UNC79: variants seen among roughly 807,000 people sequenced by gnomAD.
UNC79 encodes the protein protein unc-79 homolog.
A neutral mutation model predicts 283.1 loss-of-function variants in UNC79; 37 were observed. The observed-to-expected ratio is 0.13, with a 90% CI of 0.10 to 0.17. The LOEUF is 0.17. Ranked by LOEUF, UNC79 falls within the 10% of genes least tolerant of loss-of-function variation. UNC79 has a pLI of 1.00. For synonymous variants in UNC79, 1,107 were observed against 1,200.2 expected, an observed-to-expected ratio of 0.92 and a Z score of 1.61; for missense variants, 2,272 against 3,211.1, an observed-to-expected ratio of 0.71 and a Z score of 7.07.
At chr14:93,648,998 T>C (rs1457792004) in intron 35 of UNC79, among the ~76,000 whole-genome samples, 1 of 152,138 alleles carries the variant, frequency 6.6e-6, no homozygotes, top group African/African-American at 2.4e-5. Context: ...AAAGGCTACT[T>C]TGACTGCAGT....
chr14:93,508,432 G>T (rs749231550), intron 7 of UNC79, among the ~76,000 whole-genome samples: 17 of 152,158 alleles, frequency 1.1e-4, no homozygotes, highest in Non-Finnish European at 2.4e-4. Flanking sequence ...ATCCTGCTGG[G>T]ATTTTAATCT....
At chr14:93,346,099 T>C (rs1251619173) in intron 1 of UNC79, among the ~76,000 whole-genome samples, 1 of 151,918 alleles carries the variant, frequency 6.6e-6, no homozygotes, top group Non-Finnish European at 1.5e-5. Context: ...TATATTTTGA[T>C]TTCCAAGGAC....
intron 29 of UNC79, 57 bp downstream of exon 30, chr14:93,618,411 A>C (rs757397312): frequency 9.6e-6 from 14 of 1,465,736 alleles, no homozygotes; most frequent in Non-Finnish European, 1.3e-5. Flanking sequence ...ATTTCTGGAC[A>C]ATGTTTTCTT....
At chr14:93,398,149 T>G (rs1050165641) in intron 1 of UNC79, among the ~76,000 whole-genome samples, 1 of 152,124 alleles carries the variant, frequency 6.6e-6, no homozygotes, top group African/African-American at 2.4e-5. Flanking sequence ...AGAAAAAAAG[T>G]CTGGCTGTTC....
At chr14:93,571,706 T>C (rs2063216677) in intron 14 of UNC79, among the ~76,000 whole-genome samples, 188 bp from the exon 15 acceptor site, 1 of 152,238 alleles carries the variant, frequency 6.6e-6, no homozygotes, top group Non-Finnish European at 1.5e-5. Context: ...TGTTTTCCTT[T>C]CTGTAACTGA....
At chr14:93,645,887 G>T (rs1489602454) in intron 34 of UNC79, among the ~76,000 whole-genome samples, 1 of 151,964 alleles carries the variant, frequency 6.6e-6, no homozygotes. Flanking sequence ...CTCTAAGTGG[G>T]GTCTTGGCTC....
chr14:93,487,265 T>C (rs1450953394), intron 4 of UNC79, among the ~76,000 whole-genome samples: 2 of 152,230 alleles, frequency 1.3e-5, no homozygotes, highest in Non-Finnish European at 2.9e-5. Flanking sequence ...AATTTGAGTT[T>C]AAAAACCTTT....
rs1368768427 is a variant in UNC79 at position 93,580,138 on chromosome 14, A to T, written c.2434-11A>T. 2.5e-6 allele frequency: 4 copies of T among 1,594,430 alleles called. No homozygotes were observed. The highest frequency in any genetic ancestry group is 1.8e-5 in the Admixed American group (1 of 56,782). Reference sequence around the variant, plus strand: ...TGTGTGTGCGTGTGTCCTTTTTTTGATGTCTTTCAGATGGAGTTACAAGAT... The same window carrying T: ...TGTGTGTGCGTGTGTCCTTTTTTTGTTGTCTTTCAGATGGAGTTACAAGAT... On this transcript the variant is annotated splice_polypyrimidine_tract_variant and intron_variant, in intron 18 of 48. Coordinates refer to ENST00000555664, the Ensembl canonical transcript of UNC79.
chr14:93,610,539 G>C (rs10146795), intron 26 of UNC79, among the ~76,000 whole-genome samples: 22,370 of 152,122 alleles, frequency 0.15, 1,766 homozygotes, highest in Middle Eastern at 0.17. Context: ...AGCAATAATG[G>C]CCTTCTAGTT....
chr14:93,364,853 G>GA (rs1359098637), intron 1 of UNC79, among the ~76,000 whole-genome samples: 2 of 151,862 alleles, frequency 1.3e-5, no homozygotes, highest in African/African-American at 4.8e-5. Flanking sequence ...AACTATAATA[G>GA]GTGCCACATG....
At chr14:93,677,462 A>AGCTCTC (rs1250844301) in intron 41 of UNC79, among the ~76,000 whole-genome samples, 5 of 152,102 alleles carry the variant, frequency 3.3e-5, no homozygotes, top group Non-Finnish European at 7.4e-5. Flanking sequence ...CATTTATAAA[A>AGCTCTC]CCATCAGATC....
chr14:93,648,258 G>A (rs1248531069), intron 35 of UNC79, among the ~76,000 whole-genome samples: 1 of 152,152 alleles, frequency 6.6e-6, no homozygotes, highest in African/African-American at 2.4e-5. Flanking sequence ...TAGTTCTCAT[G>A]TTAAGTGTTC....
chr14:93,343,404 A>G (rs535762323), intron 1 of UNC79, among the ~76,000 whole-genome samples: 3 of 152,204 alleles, frequency 2.0e-5, no homozygotes, highest in Admixed American at 6.5e-5. Context: ...CAGAACTTGA[A>G]TATGTTTCCC....
chr14:93,618,579 A>G (rs2066900542), intron 29 of UNC79, among the ~76,000 whole-genome samples: 1 of 152,222 alleles, frequency 6.6e-6, no homozygotes, highest in Admixed American at 6.5e-5. Flanking sequence ...CATAAGAAAT[A>G]ATATTTTGTA....
At position 93,589,650 on chromosome 14, in the gene UNC79, C is replaced by A. The variant is rs183452674; in HGVS notation, c.3032+2742C>A. On this transcript the variant is annotated intron_variant, in intron 22 of 48. Coordinates refer to ENST00000555664, the Ensembl canonical transcript of UNC79. ...GGGAGAGGACCCTGTGCATCAATGT[C>A]ATGGGTTTCAAAAGAAAGAGGCTGC... Among the ~76,000 whole-genome samples, 422 of 152,154 alleles carry A rather than the reference C, an allele frequency of 2.8e-3. 8 individuals carry two copies. Among genetic ancestry groups the A allele is most frequent in the Admixed American group, 0.021 (314 of 15,274 alleles).
intron 1 of UNC79, among the ~76,000 whole-genome samples, chr14:93,339,626 T>A (rs2053660337): frequency 6.6e-6 from 1 of 152,216 alleles, no homozygotes; most frequent in African/African-American, 2.4e-5. Flanking sequence ...AGATACTGTC[T>A]TTCTGTTACT....
At chr14:93,563,501 G>A (rs2062687132) in intron 14 of UNC79, among the ~76,000 whole-genome samples, 4 of 152,202 alleles carry the variant, frequency 2.6e-5, no homozygotes, top group Admixed American at 2.6e-4. Flanking sequence ...TTGATGCGTA[G>A]TCCCTTTGCA....
rs2066885308 is a variant in UNC79 at position 93,618,359 on chromosome 14, A to G, written c.4387+5A>G. 1 of 1,605,956 alleles carries G rather than the reference A, an allele frequency of 6.2e-7. No homozygotes were observed. Among genetic ancestry groups the G allele is most frequent in the East Asian group, 2.2e-5 (1 of 44,564 alleles). The stretch of plus-strand genomic sequence containing the variant: ...GATACAGCGAAAAAGAAAAAGGTAC[A>G]TATCTAAATTCTATCCCAAACCTAG... On this transcript the variant is annotated splice_donor_5th_base_variant and intron_variant, in intron 29 of 48. Coordinates refer to ENST00000555664, the Ensembl canonical transcript of UNC79.
chr14:93,682,852 A>G (rs1348996252), intron 42 of UNC79, among the ~76,000 whole-genome samples, 158 bp downstream of exon 45: 1 of 152,228 alleles, frequency 6.6e-6, no homozygotes, highest in Non-Finnish European at 1.5e-5. Flanking sequence ...GATTCATAAC[A>G]TCTGTCAAAT....
Sources: allele counts gnomAD v4.1 joint callset (sites outside exome capture counted in the v4.1 genomes callset), GRCh38; gene constraint gnomAD v4.1.1; transcripts MANE v1.5; gene names NCBI Gene and HGNC (gene_info 2026-07-23, HGNC 2026-07-21).